Variants in LRRC7 observed in about 807,000 individuals in gnomAD.
LRRC7 encodes leucine-rich repeat-containing protein 7.
In LRRC7, 23 loss-of-function variants were observed where a neutral mutation model predicts 175.7. The observed-to-expected ratio is 0.13, with a 90% CI of 0.09 to 0.19. The LOEUF is 0.19. Among genes scored for constraint, LRRC7 ranks in the 10% least tolerant of loss-of-function variants. The probability of loss-of-function intolerance (pLI) is 1.00; values close to 1 mark genes in which losing one functional copy is unlikely to be tolerated. For missense variants in LRRC7, 1,354 were observed against 1,904.7 expected (o/e 0.71, Z 5.38); for synonymous variants, 685 against 680.9 (o/e 1.01, Z -0.09).
rs150486485 is a variant in LRRC7, at chr1:69,888,429, G to A, written c.648-43078G>A. On this transcript the variant is annotated intron_variant, in intron 7 of 26. Coordinates refer to ENST00000651989, the MANE Select transcript of LRRC7 (RefSeq NM_001370785.2). ...CTTTGACTTGGAAAGGGAACTCCCC[G>A]ACCCTTGCACTTCCCAAGTGAGGCA... Among the ~76,000 whole-genome samples, 1,290 of 152,190 alleles carry A rather than the reference G, an allele frequency of 8.5e-3. 11 individuals carry two copies. The highest frequency in any genetic ancestry group is 0.021 in the Middle Eastern group (6 of 292).
chr1:69,635,680 A>G (rs1470369325), intron 1 of LRRC7, among the ~76,000 whole-genome samples: 1 of 152,086 alleles, frequency 6.6e-6, no homozygotes, highest in African/African-American at 2.4e-5. Flanking sequence ...TAAAAATAAT[A>G]ACAATTTAGA....
At position 69,679,402 on chromosome 1, in the gene LRRC7, G is replaced by A. The variant is rs550275475; in HGVS notation, c.100+924G>A. On this transcript the variant is annotated intron_variant, in intron 2 of 26. Transcript: ENST00000651989. ...TTTGAAGTATACTGCTCTGGGTAAA[G>A]ACCAACTATATTAAAGCAGGGCACA... Among the ~76,000 whole-genome samples, 2 of 152,126 alleles carry A rather than the reference G, an allele frequency of 1.3e-5. 1 individual carries two copies. Among genetic ancestry groups the A allele is most frequent in the Admixed American group, 1.3e-4 (2 of 15,256 alleles).
At chr1:69,683,383 A>G (rs1660737426) in intron 2 of LRRC7, among the ~76,000 whole-genome samples, 1 of 152,116 alleles carries the variant, frequency 6.6e-6, no homozygotes, top group Non-Finnish European at 1.5e-5. Context: ...CTTATCTTAA[A>G]ATAACCCTAT....
intron 7 of LRRC7, among the ~76,000 whole-genome samples, chr1:69,888,773 G>C (rs1645740463): frequency 6.6e-6 from 1 of 152,102 alleles, no homozygotes; most frequent in Non-Finnish European, 1.5e-5. Flanking sequence ...CAGCTGTTTG[G>C]GGGTAGGGAA....
chr1:69,826,363 T>C (rs371082204), intron 5 of LRRC7, among the ~76,000 whole-genome samples: 50 of 151,994 alleles, frequency 3.3e-4, no homozygotes, highest in African/African-American at 1.2e-3. Flanking sequence ...GATCAGAAAA[T>C]GGGTATTTGT....
chr1:69,782,246 C>G (rs1241790709), intron 3 of LRRC7, among the ~76,000 whole-genome samples: 4 of 152,226 alleles, frequency 2.6e-5, no homozygotes, highest in African/African-American at 9.6e-5. Context: ...GAAAGAATAA[C>G]CACTTACTGA....
Position 70,037,992 on chromosome 1 carries a change from T to G in LRRC7, c.2289-121T>G, listed in dbSNP as rs146130666. Reference sequence around the variant, plus strand: ...ATAATAATACTATCTTAATCATAAGTCAGGTGAGGATTATTGATCAGTTAA... The same window carrying G: ...ATAATAATACTATCTTAATCATAAGGCAGGTGAGGATTATTGATCAGTTAA... On this transcript the variant is annotated intron_variant, in intron 20 of 26. Transcript: ENST00000651989. The G allele has an allele frequency of 6.2e-5, 78 of 1,258,172 alleles. No homozygotes were observed. The African/African-American group carries it at 9.5e-4, about 15-fold the overall frequency. 77.9% of individuals were successfully genotyped at this position (1,258,172 alleles called of 1,614,324 possible). A position where few individuals can be genotyped will look rare whatever the true frequency, so the allele number is the denominator to read the frequency against.
Position 69,615,172 on chromosome 1 carries a change from C to T in LRRC7, c.2+46531C>T, listed in dbSNP as rs561971270. On this transcript the variant is annotated intron_variant, in intron 1 of 26. Transcript: ENST00000651989. ...CTTATGTAGGAAACACTCTTAACCT[C>T]CCTCTCCCTTGCCACTTCCATTTAG... 9.3e-5 allele frequency among the ~76,000 whole-genome samples: 14 copies of T among 151,222 alleles called. 1 individual carries two copies. In the South Asian group the frequency reaches 1.0e-3, roughly 11 times the overall value.
chr1:69,839,804 A>T (rs1414808841), intron 7 of LRRC7, among the ~76,000 whole-genome samples: 2 of 152,110 alleles, frequency 1.3e-5, no homozygotes, highest in East Asian at 1.9e-4. Context: ...ATCTTTAAAT[A>T]TGAATTTTAA....
chr1:70,088,032 T>C (rs1385455886), intron 24 of LRRC7, among the ~76,000 whole-genome samples: 2 of 152,118 alleles, frequency 1.3e-5, no homozygotes, highest in African/African-American at 2.4e-5. Flanking sequence ...GGCATTTACA[T>C]TTGCCATAAG....
intron 7 of LRRC7, among the ~76,000 whole-genome samples, chr1:69,847,041 T>C (rs967542912): frequency 6.6e-6 from 1 of 152,130 alleles, no homozygotes; most frequent in Non-Finnish European, 1.5e-5. Context: ...AATGTTTAAC[T>C]AAATGATCTA....
At chr1:69,733,107 G>A (rs1433557826) in intron 2 of LRRC7, among the ~76,000 whole-genome samples, 1 of 152,024 alleles carries the variant, frequency 6.6e-6, no homozygotes, top group Non-Finnish European at 1.5e-5. Flanking sequence ...TCACAAAAAT[G>A]AGGATCAATG....
chr1:70,095,319 A>C (rs1664309812), intron 25 of LRRC7, among the ~76,000 whole-genome samples: 1 of 152,224 alleles, frequency 6.6e-6, no homozygotes, highest in Middle Eastern at 3.2e-3. Flanking sequence ...TTTTATAAAC[A>C]TAACTGATTA....
chr1:69,895,061 C>T (rs1379975112), intron 7 of LRRC7, among the ~76,000 whole-genome samples: 1 of 152,106 alleles, frequency 6.6e-6, no homozygotes, highest in African/African-American at 2.4e-5. Flanking sequence ...TAAAATACAA[C>T]ATCTCTACTA....
chr1:69,581,103 A>G (rs1004200914), intron 1 of LRRC7, among the ~76,000 whole-genome samples: 1 of 152,206 alleles, frequency 6.6e-6, no homozygotes, highest in African/African-American at 2.4e-5. Flanking sequence ...GACATGAGCC[A>G]GACATCCAAG....
At position 69,999,880 on chromosome 1, in the gene LRRC7, GTCT is replaced by G. The variant is rs138319110; in HGVS notation, c.1004+5254_1004+5256del. 7.5e-3 allele frequency among the ~76,000 whole-genome samples: 1,136 copies of G among 152,216 alleles called. 11 individuals are homozygous for G. The highest frequency in any genetic ancestry group is 0.025 in the African/African-American group (1,042 of 41,526). ...TAAAAGTGTGGGACCATAGGCCCAG[GTCT>G]TCTTCTGTAAAGTTCCTGTTCCACT... On this transcript the variant is annotated intron_variant, in intron 11 of 26. Coordinates refer to ENST00000651989, the MANE Select transcript of LRRC7 (RefSeq NM_001370785.2).
intron 7 of LRRC7, among the ~76,000 whole-genome samples, chr1:69,888,613 G>T (rs1241343268): frequency 6.6e-6 from 1 of 152,126 alleles, no homozygotes; most frequent in East Asian, 1.9e-4. Flanking sequence ...TACCGGAGCT[G>T]TTCCTATTCG....
intron 7 of LRRC7, among the ~76,000 whole-genome samples, chr1:69,907,916 T>C (rs1345536645): frequency 6.6e-6 from 1 of 152,186 alleles, no homozygotes. Context: ...TGGTAAGCTA[T>C]TGATTATTGC....
At chr1:69,725,821 C>T (rs1398600135) in intron 2 of LRRC7, among the ~76,000 whole-genome samples, 1 of 152,176 alleles carries the variant, frequency 6.6e-6, no homozygotes. Context: ...TCTGGGGAGC[C>T]CCACATGACC....
Sources: gnomAD v4.1 joint callset for allele counts (sites outside exome capture counted in the v4.1 genomes callset) on GRCh38, gnomAD v4.1.1 for gene constraint, MANE v1.5 for transcripts, NCBI Gene and HGNC (gene_info 2026-07-23, HGNC 2026-07-21) for gene names.